Variants in CHST9 observed in about 807,000 individuals in gnomAD.
CHST9 encodes the protein GalNAc-4-sulfotransferase 2.
Under a neutral mutation model 44.4 loss-of-function variants are expected in CHST9, and 41 were observed. That is an observed-to-expected ratio of 0.92 (90% CI 0.72 to 1.20). The LOEUF (loss-of-function observed/expected upper bound fraction) is 1.20, where lower values mean the gene tolerates loss of function less well. Ranked by LOEUF, CHST9 falls within the 50% of genes most tolerant of loss-of-function variation. The probability of loss-of-function intolerance (pLI) is 0.00; values close to 1 mark genes in which losing one functional copy is unlikely to be tolerated. For missense variants in CHST9, 504 were observed against 516.5 expected (o/e 0.98, Z 0.23); for synonymous variants, 171 against 178.4 (o/e 0.96, Z 0.33).
chr18:26,916,029 C>A lies in CHST9; in HGVS notation c.*230G>T. On this transcript the variant is annotated 3_prime_UTR_variant, in exon 6 of 6. Coordinates refer to ENST00000618847, the MANE Select transcript of CHST9 (RefSeq NM_031422.6). Reference sequence around the variant, plus strand: ...AACAATATAATTCATAATGCAAAAGCAGCTCTTTTCCAAACATTTTAGAGC... The same window carrying A: ...AACAATATAATTCATAATGCAAAAGAAGCTCTTTTCCAAACATTTTAGAGC... 1 of 386,778 alleles carries A rather than the reference C, an allele frequency of 2.6e-6. No homozygotes were observed. The highest frequency in any genetic ancestry group is 4.4e-5 in the South Asian group (1 of 22,866). 24.0% of individuals were successfully genotyped at this position (386,778 alleles called of 1,614,324 possible). A position where few individuals can be genotyped will look rare whatever the true frequency, so the allele number is the denominator to read the frequency against.
At chr18:26,952,646 A>G (rs2056265845) in intron 4 of CHST9, 1 of 267,054 alleles carries the variant, frequency 3.7e-6, no homozygotes, top group Non-Finnish European at 7.2e-6. Context: ...TCAGAACTAC[A>G]GACTCATTAG....
intron 4 of CHST9, among the ~76,000 whole-genome samples, chr18:26,984,444 A>T (rs191623753): frequency 2.0e-4 from 31 of 152,326 alleles, no homozygotes; most frequent in Non-Finnish European, 2.4e-4. Flanking sequence ...TATCTTCATA[A>T]ACTTGGAGTA....
At chr18:27,101,159 ATTTTCT>A (rs1410789429) in intron 2 of CHST9, among the ~76,000 whole-genome samples, 2 of 152,154 alleles carry the variant, frequency 1.3e-5, no homozygotes, top group Non-Finnish European at 2.9e-5. Context: ...AATATAATTG[ATTTTCT>A]TTGTTGTCAA....
At chr18:26,953,940 G>C (rs543290282) in intron 4 of CHST9, among the ~76,000 whole-genome samples, 1 of 152,256 alleles carries the variant, frequency 6.6e-6, no homozygotes, top group South Asian at 2.1e-4. Context: ...TCTTGAAATG[G>C]GGCAAGGAAA....
chr18:27,012,678 C>A (rs1479754069), intron 4 of CHST9, among the ~76,000 whole-genome samples: 2 of 152,164 alleles, frequency 1.3e-5, no homozygotes, highest in Non-Finnish European at 2.9e-5. Context: ...CAAATGCCTG[C>A]AGTTCAGCAA....
intron 1 of CHST9, among the ~76,000 whole-genome samples, chr18:27,160,423 C>T (rs1032310284): frequency 4.6e-5 from 7 of 152,038 alleles, no homozygotes; most frequent in African/African-American, 1.4e-4. Context: ...TATTGATTTG[C>T]GTATGTTGAA....
intron 2 of CHST9, among the ~76,000 whole-genome samples, chr18:27,082,563 A>G (rs2057970987): frequency 6.6e-6 from 1 of 152,206 alleles, no homozygotes; most frequent in African/African-American, 2.4e-5. Flanking sequence ...AAAATAAAAA[A>G]TAAAATTAAT....
chr18:27,085,465 T>C (rs988548829), intron 2 of CHST9, among the ~76,000 whole-genome samples: 3 of 152,074 alleles, frequency 2.0e-5, no homozygotes, highest in African/African-American at 7.2e-5. Flanking sequence ...GCAAAAGACA[T>C]GAACAGACAC....
intron 4 of CHST9, among the ~76,000 whole-genome samples, chr18:26,949,079 G>A (rs991771300): frequency 6.6e-6 from 1 of 152,116 alleles, no homozygotes; most frequent in African/African-American, 2.4e-5. Flanking sequence ...CAGTTCTTGA[G>A]AAAGATGAAT....
chr18:27,175,533 G>A (rs2058861491), intron 1 of CHST9, among the ~76,000 whole-genome samples: 2 of 152,056 alleles, frequency 1.3e-5, no homozygotes, highest in Non-Finnish European at 2.9e-5. Flanking sequence ...GGAGAGGAAA[G>A]AGAAATAGAA....
chr18:27,008,946 T>C (rs930985989), intron 4 of CHST9, among the ~76,000 whole-genome samples: 2 of 151,798 alleles, frequency 1.3e-5, no homozygotes, highest in East Asian at 1.9e-4. Context: ...TCAAAAATAC[T>C]GAAACTCAGA....
intron 5 of CHST9, among the ~76,000 whole-genome samples, chr18:26,932,106 C>T (rs938767902): frequency 6.6e-6 from 1 of 152,136 alleles, no homozygotes; most frequent in African/African-American, 2.4e-5. Flanking sequence ...CATCATCCCA[C>T]CTTTGGTTGC....
chr18:27,128,860 A>T (rs1293063761), intron 2 of CHST9, among the ~76,000 whole-genome samples: 1 of 152,202 alleles, frequency 6.6e-6, no homozygotes, highest in African/African-American at 2.4e-5. Flanking sequence ...TACACCAAAG[A>T]TCTGATACAT....
chr18:27,127,724 A>G (rs2058436740), intron 2 of CHST9, among the ~76,000 whole-genome samples: 1 of 152,208 alleles, frequency 6.6e-6, no homozygotes, highest in Admixed American at 6.5e-5. Flanking sequence ...ACGATGATAC[A>G]GAAGAGAATA....
rs902184892 is a variant in CHST9, at chr18:27,180,479, A to G, written c.-97+4657T>C. Among the ~76,000 whole-genome samples the G allele has an allele frequency of 2.6e-5, 4 of 152,302 alleles. No individual in the cohort carries two copies. In the East Asian group the frequency reaches 5.8e-4, roughly 22 times the overall value. On this transcript the variant is annotated intron_variant, in intron 1 of 5. Transcript: ENST00000618847. Reference sequence around the variant, plus strand: ...CAGTCTGGTCCACGATGACTACTCAATGCATGAAAGAAGACAGCAAATCAC... The same window carrying G: ...CAGTCTGGTCCACGATGACTACTCAGTGCATGAAAGAAGACAGCAAATCAC...
chr18:27,161,017 C>T (rs916882783), intron 1 of CHST9, among the ~76,000 whole-genome samples: 35 of 152,042 alleles, frequency 2.3e-4, no homozygotes, highest in South Asian at 2.1e-4. Context: ...CTTTATTAGT[C>T]TTGCTAGCCG....
intron 5 of CHST9, among the ~76,000 whole-genome samples, chr18:26,926,428 G>C (rs2055769206): frequency 6.6e-6 from 1 of 152,116 alleles, no homozygotes; most frequent in African/African-American, 2.4e-5. Flanking sequence ...GCTCTGGTTT[G>C]ACAAGACCAT....
At chr18:26,997,310 T>A (rs2056897917) in intron 4 of CHST9, among the ~76,000 whole-genome samples, 1 of 152,220 alleles carries the variant, frequency 6.6e-6, no homozygotes, top group Non-Finnish European at 1.5e-5. Flanking sequence ...ATTAGTAGTA[T>A]AATCCTGAGC....
chr18:27,101,791 G>T (rs1021674187), intron 2 of CHST9, among the ~76,000 whole-genome samples: 1 of 152,068 alleles, frequency 6.6e-6, no homozygotes, highest in Non-Finnish European at 1.5e-5. Flanking sequence ...ACTATATTAG[G>T]TGTGAATATT....
Sources: gnomAD v4.1 joint callset for allele counts (sites outside exome capture counted in the v4.1 genomes callset) on GRCh38, gnomAD v4.1.1 for gene constraint, MANE v1.5 for transcripts, NCBI Gene and HGNC (gene_info 2026-07-23, HGNC 2026-07-21) for gene names.